RAP1GAP: variants seen among roughly 807,000 people sequenced by gnomAD.
The protein encoded by RAP1GAP is rap1 GTPase-activating protein 1.
A neutral mutation model predicts 87.2 loss-of-function variants in RAP1GAP; 35 were observed. The ratio of observed to expected loss-of-function variants is 0.40; its 90% CI spans 0.31 to 0.53. The LOEUF (loss-of-function observed/expected upper bound fraction) is 0.53. Ranked by LOEUF, RAP1GAP falls within the 20% of genes least tolerant of loss-of-function variation. The probability of loss-of-function intolerance (pLI) is 0.48; values close to 1 mark genes in which losing one functional copy is unlikely to be tolerated. For missense variants in RAP1GAP, 734 were observed against 898.9 expected (o/e 0.82, Z 2.35); for synonymous variants, 375 against 363.9 (o/e 1.03, Z -0.35).
In RAP1GAP at chr1:21,599,525, G is replaced by A. The variant is rs750131708; in HGVS notation, c.1745C>T (p.Thr582Met). 18 of 1,609,488 alleles carry A rather than the reference G, an allele frequency of 1.1e-5. No homozygotes were observed. The Admixed American group carries it at 1.5e-4, about 13-fold the overall frequency. Residue 582 changes from threonine (T) to methionine (M), a missense_variant, in exon 21 of 25, where the codon ACG (threonine) becomes ATG (methionine). Physicochemically the swap from Thr to Met is moderately conservative, Grantham distance 81 (BLOSUM62 -1). Coordinates refer to ENST00000374765, the MANE Select transcript of RAP1GAP (RefSeq NM_002885.4). Reference protein sequence around the residue: ...ASSFASVVEETEGVDGEDTGL... With the variant: ...ASSFASVVEEMEGVDGEDTGL... ...TGTGTCCTCTCCGTCCACACCCTCC[G>A]TCTCCTCCACCACGCTGGCGAAGCT...
chr1:21,642,377 C>G (rs1368714067), intron 2 of RAP1GAP, among the ~76,000 whole-genome samples: 1 of 152,212 alleles, frequency 6.6e-6, no homozygotes. Context: ...CCTTGGCACC[C>G]ATTATCTCAT....
chr1:21,631,086 C>G (rs893881726), intron 2 of RAP1GAP, among the ~76,000 whole-genome samples: 3 of 152,166 alleles, frequency 2.0e-5, no homozygotes, highest in African/African-American at 7.2e-5. Flanking sequence ...TGTCCCTCCC[C>G]TTCTCTCTCC....
chr1:21,605,994 C>T (rs2074236046), intron 18 of RAP1GAP, 72 bp downstream of exon 18: 1 of 1,495,538 alleles, frequency 6.7e-7, no homozygotes. Flanking sequence ...TGGAGTCAGG[C>T]CTCAGGAGGC....
rs201235513 is a variant in RAP1GAP, at chr1:21,613,588, C to T, written c.474+40G>A. ...CTGAAGCCCCACAGGTGCCCATCTG[C>T]GGAGCCAGCCCGGGAAGCTCAGCGG... On this transcript the variant is annotated intron_variant, in intron 9 of 24. Transcript: ENST00000374765. The surrounding 1 kb of genome is among the most constrained non-coding windows in gnomAD (Gnocchi z 4.7). The T allele has an allele frequency of 7.1e-6, 11 of 1,558,600 alleles. No homozygotes were observed. Among genetic ancestry groups the T allele is most frequent in the African/African-American group, 5.4e-5 (4 of 73,700 alleles).
Position 21,613,074 on chromosome 1 carries a change from G to A in RAP1GAP, c.528+102C>T, listed in dbSNP as rs1279184239. ...GGGTTATTGTGAGGATTAAATGAGA[G>A]AACCTTGGGAAAGTATCTGGCACAC... On this transcript the variant is annotated intron_variant, in intron 10 of 24. Coordinates refer to ENST00000374765, the MANE Select transcript of RAP1GAP (RefSeq NM_002885.4). The surrounding 1 kb of genome is among the most constrained non-coding windows in gnomAD (Gnocchi z 4.7). 9 of 1,263,548 alleles carry A rather than the reference G, an allele frequency of 7.1e-6. No individual in the cohort carries two copies. Among genetic ancestry groups the A allele is most frequent in the African/African-American group, 4.5e-5 (3 of 67,354 alleles). 78.3% of individuals were successfully genotyped at this position (1,263,548 alleles called of 1,614,324 possible).
At chr1:21,602,393 G>A (rs1353254636) in intron 19 of RAP1GAP, among the ~76,000 whole-genome samples, 1 of 152,214 alleles carries the variant, frequency 6.6e-6, no homozygotes, top group Non-Finnish European at 1.5e-5. Context: ...TGCTGGCCTG[G>A]GCTCACTGCC....
At chr1:21,647,062 C>G (rs2096122699) in intron 2 of RAP1GAP, among the ~76,000 whole-genome samples, 1 of 152,184 alleles carries the variant, frequency 6.6e-6, no homozygotes. Flanking sequence ...TTACTTATTC[C>G]CCTCCCTGAA....
chr1:21,663,176 G>C (rs1020829911), intron 1 of RAP1GAP, among the ~76,000 whole-genome samples: 1 of 152,180 alleles, frequency 6.6e-6, no homozygotes, highest in African/African-American at 2.4e-5. Context: ...TTGTCCCAGC[G>C]GCTCTGCCCA....
rs939759918 is a variant in RAP1GAP at position 21,622,582 on chromosome 1, G to A, written c.-18-2532C>T. ...GCTCGCCCCACGGCGGGGCCCGGAGGGGGCGGGGCGCCAGGTACGGGCGGC... is the reference window on the plus strand; with the variant it reads ...GCTCGCCCCACGGCGGGGCCCGGAGAGGGCGGGGCGCCAGGTACGGGCGGC... On this transcript the variant is annotated intron_variant, in intron 3 of 24. Coordinates refer to ENST00000374765, the MANE Select transcript of RAP1GAP (RefSeq NM_002885.4). This position sits in a 1 kb window ranked among gnomAD's most constrained non-coding sequence, Gnocchi z 5.7. 1 of 146,538 alleles carries A rather than the reference G, an allele frequency of 6.8e-6. No homozygotes were observed. The highest frequency in any genetic ancestry group is 1.5e-5 in the Non-Finnish European group (1 of 65,970). 9.1% of individuals were successfully genotyped at this position (146,538 alleles called of 1,614,324 possible). A position where few individuals can be genotyped will look rare whatever the true frequency, so the allele number is the denominator to read the frequency against.
intron 4 of RAP1GAP, 41 bp from the exon 5 acceptor site, chr1:21,619,113 C>T (rs756178672): frequency 3.9e-6 from 6 of 1,557,466 alleles, no homozygotes; most frequent in South Asian, 1.2e-5. Context: ...CCCAGGCCTG[C>T]CGCCAGGCGC....
At chr1:21,632,942 G>A (rs1460816357) in intron 2 of RAP1GAP, among the ~76,000 whole-genome samples, 1 of 152,164 alleles carries the variant, frequency 6.6e-6, no homozygotes, top group Non-Finnish European at 1.5e-5. Flanking sequence ...TCAGACTCAG[G>A]AATGGTTGGG....
In RAP1GAP at chr1:21,649,809, A is replaced by G. The variant is rs2096409857; in HGVS notation, c.-148-13T>C. On this transcript the variant is annotated splice_polypyrimidine_tract_variant and intron_variant, in intron 1 of 24. Coordinates refer to ENST00000374765, the MANE Select transcript of RAP1GAP (RefSeq NM_002885.4). ...GGACTTGTCCACCCTGAAACACAAC[A>G]AGAGGGGCCATAGGTGAGGGGACAT... 6.4e-7 allele frequency: 1 copy of G among 1,551,662 alleles called. No homozygotes were observed. Among genetic ancestry groups the G allele is most frequent in the Non-Finnish European group, 8.7e-7 (1 of 1,146,854 alleles).
At chr1:21,650,394 C>A (rs1264382536) in intron 1 of RAP1GAP, among the ~76,000 whole-genome samples, 1 of 152,116 alleles carries the variant, frequency 6.6e-6, no homozygotes, top group African/African-American at 2.4e-5. Flanking sequence ...TTGTCTCCCC[C>A]AAATCCACCC....
chr1:21,650,292 C>A (rs1330450210), intron 1 of RAP1GAP, among the ~76,000 whole-genome samples: 2 of 152,244 alleles, frequency 1.3e-5, no homozygotes, highest in East Asian at 1.9e-4. Context: ...CAAATGTCTG[C>A]GAATCTGGGA....
chr1:21,656,634 T>C (rs2096879542), intron 1 of RAP1GAP, among the ~76,000 whole-genome samples: 1 of 152,030 alleles, frequency 6.6e-6, no homozygotes, highest in South Asian at 2.1e-4. Flanking sequence ...GAAGAGTGGG[T>C]GTGACTTGGC....
At chr1:21,619,302 C>T (rs1443213793) in intron 4 of RAP1GAP, among the ~76,000 whole-genome samples, 2 of 151,332 alleles carry the variant, frequency 1.3e-5, no homozygotes, top group South Asian at 2.1e-4. Context: ...GGGGACTCTG[C>T]GGGAACGCAC....
intron 5 of RAP1GAP, among the ~76,000 whole-genome samples, chr1:21,618,384 C>T (rs192547251): frequency 6.6e-6 from 1 of 152,334 alleles, no homozygotes; most frequent in East Asian, 1.9e-4. Context: ...CTCTAACCCT[C>T]ACCCTGTAGC....
At chr1:21,635,733 AC>A (rs2094574165) in intron 2 of RAP1GAP, among the ~76,000 whole-genome samples, 1 of 152,130 alleles carries the variant, frequency 6.6e-6, no homozygotes, top group African/African-American at 2.4e-5. Flanking sequence ...CCAAGGCGAA[AC>A]CCCCACGGGG....
In RAP1GAP at chr1:21,602,976, C is replaced by A. The variant is rs1361368818; in HGVS notation, c.1429-63G>T. On this transcript the variant is annotated intron_variant, in intron 18 of 24. Transcript: ENST00000374765. ...GGGAGCCCCAGTGCCCCCCCCACAT[C>A]CCCTCTGGGGATCCTGCTGCCCCAG... is the stretch of plus-strand genomic sequence containing the variant. 8 of 1,251,256 alleles carry A rather than the reference C, an allele frequency of 6.4e-6. No homozygotes were observed. In the East Asian group the frequency reaches 1.7e-4, roughly 27 times the overall value. 77.5% of individuals were successfully genotyped at this position (1,251,256 alleles called of 1,614,324 possible).
Sources: gnomAD v4.1 joint callset for allele counts (sites outside exome capture counted in the v4.1 genomes callset) on GRCh38, gnomAD v4.1.1 for gene constraint, Gnocchi (gnomAD v3.1) non-coding constraint, MANE v1.5 for transcripts, NCBI Gene and HGNC (gene_info 2026-07-23, HGNC 2026-07-21) for gene names.